The following FAT3 variants were observed in gnomAD, a reference collection of about 807,000 sequenced individuals.
FAT3 encodes FAT atypical cadherin 3.
In FAT3, 95 loss-of-function variants were observed where a neutral mutation model predicts 310.2. That is an observed-to-expected ratio of 0.31 (90% CI 0.26 to 0.36). The LOEUF is 0.36. Ranked by LOEUF, FAT3 falls within the 10% of genes least tolerant of loss-of-function variation. The probability of loss-of-function intolerance (pLI) is 1.00; values close to 1 mark genes in which losing one functional copy is unlikely to be tolerated. For synonymous variants in FAT3, 2,314 were observed against 2,192.9 expected (o/e 1.06, Z -1.54); for missense variants, 5,408 against 5,715.6 (o/e 0.95, Z 1.74).
chr11:92,293,525 TATATATATATATATATATATATATATAA>T (rs1591065204), intron 1 of FAT3, among the ~76,000 whole-genome samples: 1 of 56,618 alleles, frequency 1.8e-5, no homozygotes, highest in East Asian at 3.4e-4. Context: ...TATATATATA[TATATATATATATATATATATATATATAA>T]ATAAAATATA....
intron 2 of FAT3, among the ~76,000 whole-genome samples, chr11:92,363,079 C>A (rs1332223910): frequency 6.6e-6 from 1 of 152,200 alleles, no homozygotes; most frequent in African/African-American, 2.4e-5. Flanking sequence ...CAGGATCTTT[C>A]AAGCTCTCAA....
rs772295182 is a variant in FAT3, at chr11:92,352,323, A to T, written c.211A>T (p.Thr71Ser). 2 of 1,553,346 alleles carry T rather than the reference A, an allele frequency of 1.3e-6. No homozygotes were observed. Among genetic ancestry groups the T allele is most frequent in the Non-Finnish European group, 1.8e-6 (2 of 1,142,186 alleles). ...YVNSQSRMGITLIDLSWDIKY... is the reference protein window; with the variant it reads ...YVNSQSRMGISLIDLSWDIKY... ...CAACAGCCAGAGTAGAATGGGCATCACCTTAATAGATCTATCCTGGGATAT... is the reference window on the plus strand; with the variant it reads ...CAACAGCCAGAGTAGAATGGGCATCTCCTTAATAGATCTATCCTGGGATAT... The change falls in exon 2 of 28, where the codon ACC (threonine) becomes TCC (serine). Residue 71 changes from threonine to serine, a missense_variant. Thr to Ser is a moderately conservative substitution (Grantham distance 58). Coordinates refer to ENST00000525166, the MANE Select transcript of FAT3 (RefSeq NM_001367949.2).
intron 3 of FAT3, among the ~76,000 whole-genome samples, chr11:92,568,003 G>T (rs1955528751): frequency 6.6e-6 from 1 of 151,916 alleles, no homozygotes; most frequent in East Asian, 1.9e-4. Context: ...TAACTAACCT[G>T]CACATTGTGC....
chr11:92,612,665 G>A (rs1163432399), intron 3 of FAT3, among the ~76,000 whole-genome samples: 1 of 152,132 alleles, frequency 6.6e-6, no homozygotes, highest in Admixed American at 6.5e-5. Flanking sequence ...ATTCTAGTGT[G>A]GGGACAGTTT....
intron 19 of FAT3, among the ~76,000 whole-genome samples, chr11:92,851,078 T>C (rs1360126492): frequency 6.6e-6 from 1 of 152,160 alleles, no homozygotes; most frequent in Non-Finnish European, 1.5e-5. Flanking sequence ...AAGGTGGTGA[T>C]GGGGTCAACA....
At chr11:92,294,254 A>G (rs555572189) in intron 1 of FAT3, among the ~76,000 whole-genome samples, 1 of 152,062 alleles carries the variant, frequency 6.6e-6, no homozygotes, top group Non-Finnish European at 1.5e-5. Context: ...CACTAATCCT[A>G]TTCAATCAAG....
chr11:92,766,290 C>A (rs1315970315), intron 6 of FAT3, among the ~76,000 whole-genome samples: 1 of 152,030 alleles, frequency 6.6e-6, no homozygotes, highest in Non-Finnish European at 1.5e-5. Flanking sequence ...TCGCCCAATC[C>A]GACACTGGGT....
At chr11:92,244,091 A>G (rs910535317) in intron 1 of FAT3, among the ~76,000 whole-genome samples, 16 of 152,044 alleles carry the variant, frequency 1.1e-4, no homozygotes, top group Non-Finnish European at 2.1e-4. Context: ...GTGGGTATTT[A>G]GAAGAGAACT....
chr11:92,254,784 C>T (rs1240827180), intron 1 of FAT3, among the ~76,000 whole-genome samples: 5 of 152,110 alleles, frequency 3.3e-5, no homozygotes, highest in African/African-American at 9.7e-5. Context: ...CGGCTCACTG[C>T]AACCTCCCCC....
rs765268363 is a variant in FAT3, at chr11:92,859,161, T to C, written c.11501-4T>C. 1 of 1,613,002 alleles carries C rather than the reference T, an allele frequency of 6.2e-7. No homozygotes were observed. Among genetic ancestry groups the C allele is most frequent in the Non-Finnish European group, 8.5e-7 (1 of 1,179,514 alleles). Reference sequence around the variant, plus strand: ...TATATGTCTTCTCATAACGGTCTTTTCAGGGCACACTTCTCTCAGCTTTGC... The same window carrying C: ...TATATGTCTTCTCATAACGGTCTTTCCAGGGCACACTTCTCTCAGCTTTGC... On this transcript the variant is annotated splice_region_variant and splice_polypyrimidine_tract_variant and intron_variant, in intron 20 of 27. Transcript: ENST00000525166.
intron 1 of FAT3, among the ~76,000 whole-genome samples, chr11:92,314,674 A>T (rs553285496): frequency 6.6e-6 from 1 of 152,250 alleles, no homozygotes; most frequent in South Asian, 2.1e-4. Flanking sequence ...ACTTTGCAGA[A>T]ATTCTCTAGG....
chr11:92,525,639 T>G (rs1953836797), intron 3 of FAT3, among the ~76,000 whole-genome samples: 1 of 151,994 alleles, frequency 6.6e-6, no homozygotes, highest in South Asian at 2.1e-4. Flanking sequence ...GTTCATTGCT[T>G]TCTTGTGATT....
intron 2 of FAT3, among the ~76,000 whole-genome samples, chr11:92,475,733 T>A (rs1952033745): frequency 6.6e-6 from 1 of 152,212 alleles, no homozygotes; most frequent in African/African-American, 2.4e-5. Flanking sequence ...TCCAAATTTT[T>A]AAAAAGTTTT....
intron 4 of FAT3, among the ~76,000 whole-genome samples, chr11:92,729,153 G>A (rs1248354662): frequency 2.6e-5 from 4 of 151,992 alleles, no homozygotes; most frequent in Admixed American, 1.3e-4. Context: ...GTTTTTTCCC[G>A]ACTCTGCTAC....
chr11:92,820,406 G>A lies in FAT3; in HGVS notation c.9481+10330G>A, dbSNP rs151338691. 9.7e-3 allele frequency among the ~76,000 whole-genome samples: 1,473 copies of A among 152,114 alleles called. 28 individuals carry two copies. The highest frequency in any genetic ancestry group is 0.034 in the African/African-American group (1,406 of 41,472). On this transcript the variant is annotated intron_variant, in intron 13 of 27. Transcript: ENST00000525166. ...CTTAAGACCTCATTTAACATTAATT[G>A]CCTCCTAAAAGCCTTATCTCCAAAG...
chr11:92,583,902 T>C (rs1444186885), intron 3 of FAT3, among the ~76,000 whole-genome samples: 1 of 150,620 alleles, frequency 6.6e-6, no homozygotes, highest in Admixed American at 6.6e-5. Flanking sequence ...GATGAAGTAT[T>C]TGGATTGGGG....
At chr11:92,488,350 C>A (rs1034954493) in intron 2 of FAT3, among the ~76,000 whole-genome samples, 3 of 151,778 alleles carry the variant, frequency 2.0e-5, no homozygotes, top group Non-Finnish European at 4.4e-5. Context: ...AAGTGGTACC[C>A]AGACTCCTGG....
intron 2 of FAT3, among the ~76,000 whole-genome samples, chr11:92,358,852 T>C (rs1328271319): frequency 2.6e-5 from 4 of 152,232 alleles, no homozygotes; most frequent in Non-Finnish European, 5.9e-5. Context: ...AAAAGCTGTT[T>C]AGCCCTGTAG....
rs534686986 is a variant in FAT3 at position 92,598,190 on chromosome 11, T to A, written c.3607+73242T>A. On this transcript the variant is annotated intron_variant, in intron 3 of 27. Coordinates refer to ENST00000525166, the MANE Select transcript of FAT3 (RefSeq NM_001367949.2). ...TCCACAGGATTTTAAAAATTTATTT[T>A]CATGTATATAAATATATATGTATAC... Among the ~76,000 whole-genome samples the A allele has an allele frequency of 1.4e-4, 20 of 147,434 alleles. No homozygotes were observed. In the East Asian group the frequency reaches 3.9e-3, roughly 29 times the overall value.
Sources: allele counts gnomAD v4.1 joint callset (sites outside exome capture counted in the v4.1 genomes callset), GRCh38; gene constraint gnomAD v4.1.1; transcripts MANE v1.5; gene names NCBI Gene and HGNC (gene_info 2026-07-23, HGNC 2026-07-21).